PDRG1: variants seen among roughly 807,000 people sequenced by gnomAD.
PDRG1 encodes p53 and DNA damage regulated 1.
In PDRG1, 14 loss-of-function variants were observed where a neutral mutation model predicts 18.4. The ratio of observed to expected loss-of-function variants is 0.76; its 90% CI spans 0.50 to 1.19. The LOEUF (loss-of-function observed/expected upper bound fraction) is 1.19. PDRG1 is among the 50% of genes most tolerant of loss of function. The probability of loss-of-function intolerance (pLI) is 0.00; values close to 1 mark genes in which losing one functional copy is unlikely to be tolerated. For missense variants in PDRG1, 177 were observed against 160.1 expected (o/e 1.11, Z -0.57); for synonymous variants, 65 against 60.9 (o/e 1.07, Z -0.31).
At chr20:31,951,109 CTTAA>C (rs1321397076) in intron 1 of PDRG1, among the ~76,000 whole-genome samples, 2 of 152,342 alleles carry the variant, frequency 1.3e-5, no homozygotes, top group East Asian at 3.9e-4. Context: ...TGATCCAGTA[CTTAA>C]TTTGACAGGA....
chr20:31,948,816 A>G lies in PDRG1; in HGVS notation c.230T>C (p.Ile77Thr), dbSNP rs1478608881. ...TCCCCAGGAGGCCTTACCTTTTTCA[A>G]TCATTTCCTTTGTCTCAGGGTGAGG... The part of the protein sequence containing the change: ...KMPHPETKEM[I>T]EKDQDHLDKE... The change falls in exon 3 of 5, where the codon ATT (isoleucine) becomes ACT (threonine). Residue 77 changes from isoleucine (I) to threonine (T), a missense_variant. Ile to Thr is a moderately conservative substitution (Grantham distance 89). Coordinates refer to ENST00000202017, the MANE Select transcript of PDRG1 (RefSeq NM_030815.3). 8.1e-6 allele frequency: 13 copies of G among 1,613,508 alleles called. No homozygotes were observed. The highest frequency in any genetic ancestry group is 1.1e-5 in the Non-Finnish European group (13 of 1,179,794).
chr20:31,948,218 C>G (rs188550615), intron 3 of PDRG1, among the ~76,000 whole-genome samples: 1 of 152,332 alleles, frequency 6.6e-6, no homozygotes, highest in South Asian at 2.1e-4. Context: ...CTCTCCCAGG[C>G]TCTCTTGCAG....
intron 1 of PDRG1, among the ~76,000 whole-genome samples, chr20:31,951,199 C>CG (rs2064349667): frequency 6.6e-6 from 1 of 152,096 alleles, no homozygotes; most frequent in African/African-American, 2.4e-5. Flanking sequence ...ACGACTCCCC[C>CG]GGCTCCACTA....
chr20:31,951,319 C>T (rs6142581), intron 1 of PDRG1, among the ~76,000 whole-genome samples: 1 of 152,198 alleles, frequency 6.6e-6, no homozygotes, highest in Admixed American at 6.5e-5. Flanking sequence ...CCAATGGCCC[C>T]TCACCCATCT....
In PDRG1 at chr20:31,945,878, G is replaced by C; in HGVS notation, c.331C>G (p.Leu111Val). Residue 111 changes from leucine (L) to valine (V), a missense_variant, in exon 5 of 5, where the codon CTG (leucine) becomes GTG (valine). Physicochemically the swap from Leu to Val is conservative, Grantham distance 32. Coordinates refer to ENST00000202017, the MANE Select transcript of PDRG1 (RefSeq NM_030815.3). ...RLFEAQGKPELKGFNLNPLNQ... is the reference protein window; with the variant it reads ...RLFEAQGKPEVKGFNLNPLNQ... ...AGGGGGTTCAAGTTAAAACCCTTCA[G>C]CTCCGGTTTGCCTAGGAGAGAAGAT... 1 of 1,613,446 alleles carries C rather than the reference G, an allele frequency of 6.2e-7. No individual in the cohort carries two copies. Among genetic ancestry groups the C allele is most frequent in the East Asian group, 2.2e-5 (1 of 44,874 alleles).
chr20:31,951,953 T>G lies in PDRG1; in HGVS notation c.9A>C (p.Ser3=). The G allele has an allele frequency of 1.9e-6, 3 of 1,573,172 alleles. No homozygotes were observed. Among genetic ancestry groups the G allele is most frequent in the Non-Finnish European group, 2.6e-6 (3 of 1,161,104 alleles). Residue 3 remains serine (S), a synonymous_variant, in exon 1 of 5, where the codon TCA becomes TCC. Transcript: ENST00000202017. ...ACCGCAGCACTCGCTCTGCCTCGGG[T>G]GATAGCATAGCGCCCACCAACTCCG... is the stretch of plus-strand genomic sequence containing the variant. ML[S]PEAERVLRYL...
chr20:31,950,485 A>T (rs1478028909), intron 1 of PDRG1, 98 bp from the exon 2 acceptor site: 3 of 868,044 alleles, frequency 3.5e-6, no homozygotes, highest in Admixed American at 2.0e-5. Context: ...ATTATTCCTG[A>T]TTACATTCAA....
intron 3 of PDRG1, among the ~76,000 whole-genome samples, chr20:31,947,102 G>C (rs2064324297): frequency 6.6e-6 from 1 of 152,212 alleles, no homozygotes; most frequent in Non-Finnish European, 1.5e-5. Flanking sequence ...GAACAGAAAA[G>C]GGTCTTCTAG....
At chr20:31,950,597 A>C (rs1600646662) in intron 1 of PDRG1, among the ~76,000 whole-genome samples, 2 of 152,342 alleles carry the variant, frequency 1.3e-5, no homozygotes, top group Non-Finnish European at 2.9e-5. Flanking sequence ...TCCCCAGAAA[A>C]GATGCTGAGA....
At position 31,944,732 on chromosome 20, in the gene PDRG1, T is replaced by TAAGA. The variant is rs1468737788; in HGVS notation, c.*1071_*1074dup. On this transcript the variant is annotated 3_prime_UTR_variant, in exon 5 of 5. Transcript: ENST00000202017. ...ATGTCTAGCTTCTCTTGAAAACACG[T>TAAGA]AAGAACTGGCCATGACAGCCTGTGT... 1 of 152,304 alleles carries TAAGA rather than the reference T, an allele frequency of 6.6e-6. No individual in the cohort carries two copies. The highest frequency in any genetic ancestry group is 1.9e-4 in the East Asian group (1 of 5,184). The allele number at this position is 152,304 out of a possible 1,614,324, so 9.4% of individuals were successfully genotyped here.
chr20:31,949,764 C>T (rs1025201757), intron 2 of PDRG1, among the ~76,000 whole-genome samples: 1 of 152,096 alleles, frequency 6.6e-6, no homozygotes, highest in African/African-American at 2.4e-5. Flanking sequence ...TCTGCACATT[C>T]TAGTGTACTT....
Position 31,952,003 on chromosome 20 carries a change from G to C in PDRG1, c.-42C>G. On this transcript the variant is annotated 5_prime_UTR_variant, in exon 1 of 5. It adds an upstream start codon to the 5' untranslated region. Coordinates refer to ENST00000202017, the MANE Select transcript of PDRG1 (RefSeq NM_030815.3). ...GCTTGCGGCTCTCGCGCGACCCCGG[G>C]ATCTCCGCTTCGACTCCCGCTGCGC... is the stretch of plus-strand genomic sequence containing the variant. 1 of 1,499,998 alleles carries C rather than the reference G, an allele frequency of 6.7e-7. No individual in the cohort carries two copies. Among genetic ancestry groups the C allele is most frequent in the South Asian group, 1.3e-5 (1 of 76,686 alleles). The allele number at this position is 1,499,998 out of a possible 1,614,324, so 92.9% of individuals were successfully genotyped here.
Position 31,950,316 on chromosome 20 carries a change from G to C in PDRG1, c.159C>G (p.Leu53=). The change falls in exon 2 of 5, where the codon CTC becomes CTG. Residue 53 remains leucine, a synonymous_variant. Coordinates refer to ENST00000202017, the MANE Select transcript of PDRG1 (RefSeq NM_030815.3). The part of the protein sequence containing the change: ...GLRALQKDLS[L]SEDVMVCFGN... The stretch of plus-strand genomic sequence containing the variant: ...ACTGAGAAAATTTCAACTTACCAGA[G>C]AGGCTGAGATCCTTCTGCAGGGCCC... 2 of 1,606,572 alleles carry C rather than the reference G, an allele frequency of 1.2e-6. No individual in the cohort carries two copies. Among genetic ancestry groups the C allele is most frequent in the Non-Finnish European group, 1.7e-6 (2 of 1,173,128 alleles).
chr20:31,949,341 G>T (rs1344683897), intron 2 of PDRG1, among the ~76,000 whole-genome samples: 1 of 152,230 alleles, frequency 6.6e-6, no homozygotes, highest in Non-Finnish European at 1.5e-5. Context: ...GGAGGCCGAG[G>T]CAGGTGGATC....
In PDRG1 at chr20:31,946,517, TG is replaced by T; in HGVS notation, c.297del (p.Asn100ThrfsTer12). ...EKLRKQLKVKVNRLFEAQGKP... is the reference protein window; with the variant it reads ...EKLRKQLKVKXNRLFEAQGKP... ...ATACCTTGGGCCTCAAAAAGGCGGT[TG>T]ACCTTCACTTTAAGTTGCTTCCGCA... On this transcript the variant is annotated frameshift_variant, in exon 4 of 5. Coordinates refer to ENST00000202017, the MANE Select transcript of PDRG1 (RefSeq NM_030815.3). LOFTEE classifies it high-confidence loss of function. 6.2e-7 allele frequency: 1 copy of T among 1,612,686 alleles called. No homozygotes were observed.
At position 31,946,588 on chromosome 20, in the gene PDRG1, A is replaced by AG. The variant is rs756169050; in HGVS notation, c.239-13dup. On this transcript the variant is annotated splice_polypyrimidine_tract_variant and intron_variant, in intron 3 of 4. Transcript: ENST00000202017. ...CAGATGATCTTGATCTGAAAAAATGAGGGGGGCAAGCAGAGGATAAGATTG... is the reference window on the plus strand; with the variant it reads ...CAGATGATCTTGATCTGAAAAAATGAGGGGGGGCAAGCAGAGGATAAGATTG... The AG allele has an allele frequency of 5.0e-6, 8 of 1,598,612 alleles. No individual in the cohort carries two copies. Among genetic ancestry groups the AG allele is most frequent in the South Asian group, 4.4e-5 (4 of 90,718 alleles).
At chr20:31,950,408 AG>A in intron 1 of PDRG1, 21 bp from the exon 2 acceptor site, 1 of 1,580,022 alleles carries the variant, frequency 6.3e-7, no homozygotes, top group Non-Finnish European at 8.7e-7. Flanking sequence ...CAGGGACAGG[AG>A]GGAACTCAGC....
Position 31,951,963 on chromosome 20 carries a change from G to T in PDRG1, c.-2C>A, listed in dbSNP as rs138778824. 4.5e-6 allele frequency: 7 copies of T among 1,562,098 alleles called. No individual in the cohort carries two copies. Among genetic ancestry groups the T allele is most frequent in the South Asian group, 1.2e-5 (1 of 84,196 alleles). On this transcript the variant is annotated 5_prime_UTR_variant, in exon 1 of 5. Transcript: ENST00000202017. ...TCGCTCTGCCTCGGGTGATAGCATA[G>T]CGCCCACCAACTCCGCTTGCGGCTC...
chr20:31,948,746 G>C (rs369706967), intron 3 of PDRG1, 62 bp downstream of exon 3: 98 of 1,485,248 alleles, frequency 6.6e-5, no homozygotes, highest in Non-Finnish European at 8.5e-5. Context: ...CCCTGTTCTG[G>C]GTTAAGACCA....
Sources: gnomAD v4.1 joint callset for allele counts (sites outside exome capture counted in the v4.1 genomes callset) on GRCh38, gnomAD v4.1.1 for gene constraint, MANE v1.5 for transcripts, NCBI Gene and HGNC (gene_info 2026-07-23, HGNC 2026-07-21) for gene names.